Variants in TTC24 observed in about 807,000 individuals in gnomAD.
The protein encoded by TTC24 is tetratricopeptide repeat domain 24, also known as tetratricopeptide repeat protein 24.
TTC24 carries 54 observed loss-of-function variants against 63.3 expected under a neutral mutation model. The observed-to-expected ratio is 0.85, with a 90% CI of 0.69 to 1.07. The LOEUF (loss-of-function observed/expected upper bound fraction) is 1.07, where lower values mean the gene tolerates loss of function less well. Ranked by LOEUF, TTC24 falls within the 50% of genes least tolerant of loss-of-function variation. The probability of loss-of-function intolerance (pLI) is 0.00; values close to 1 mark genes in which losing one functional copy is unlikely to be tolerated. For missense variants in TTC24, 680 were observed against 730.5 expected (o/e 0.93, Z 0.80); for synonymous variants, 276 against 304.3 (o/e 0.91, Z 0.97).
Position 156,583,693 on chromosome 1 carries a change from A to G in TTC24, c.1153-104A>G. The G allele has an allele frequency of 9.7e-7, 1 of 1,029,308 alleles. No homozygotes were observed. Among genetic ancestry groups the G allele is most frequent in the Non-Finnish European group, 1.5e-6 (1 of 683,360 alleles). 63.8% of individuals were successfully genotyped at this position (1,029,308 alleles called of 1,614,324 possible). ...GATGGGGTAGAAGAGAGGGGAAACA[A>G]AGCCCCCCTCCCCCCTCCCTTTCCT... On this transcript the variant is annotated intron_variant, in intron 5 of 10. Transcript: ENST00000368236. This position sits in a 1 kb window ranked among gnomAD's most constrained non-coding sequence, Gnocchi z 4.0.
intron 3 of TTC24, 128 bp downstream of exon 3, chr1:156,582,562 T>A: frequency 1.2e-6 from 1 of 819,730 alleles, no homozygotes; most frequent in African/African-American, 1.7e-5. Context: ...CCAGAACCAG[T>A]GGGGGAGAGC....
In TTC24 at chr1:156,585,226, C is replaced by T; in HGVS notation, c.1451C>T (p.Pro484Leu). The change falls in exon 8 of 11, where the codon CCA (proline) becomes CTA (leucine). Residue 484 changes from proline to leucine, a missense_variant. Coordinates refer to ENST00000368236, the MANE Select transcript of TTC24 (RefSeq NM_001105669.4). ...CCGGTGAGGGCTGGGCCGGGAAGAC[C>T]AGAGCGTGAGTTGATGTAGAGTATT... ...NVPVRAGPGR[P>L]ELCFLPGTVN... 1 of 1,610,680 alleles carries T rather than the reference C, an allele frequency of 6.2e-7. No individual in the cohort carries two copies. Among genetic ancestry groups the T allele is most frequent in the Non-Finnish European group, 8.5e-7 (1 of 1,178,424 alleles).
intron 9 of TTC24, 34 bp from the exon 10 acceptor site, chr1:156,585,915 C>T (rs1457769258): frequency 6.3e-7 from 1 of 1,595,002 alleles, no homozygotes; most frequent in South Asian, 1.1e-5. Context: ...TGCAGAGAGG[C>T]ACGTGATGAA....
chr1:156,583,951 G>C lies in TTC24; in HGVS notation c.1251+56G>C. ...GGTGGAGAGAGGTTACCCAGAGAAG[G>C]GGTTGGTGGTAAGCAGAGACGCTGT... On this transcript the variant is annotated intron_variant, in intron 6 of 10. Transcript: ENST00000368236. The surrounding 1 kb of genome is among the most constrained non-coding windows in gnomAD (Gnocchi z 4.0). 6.9e-7 allele frequency: 1 copy of C among 1,459,262 alleles called. No homozygotes were observed. Among genetic ancestry groups the C allele is most frequent in the Middle Eastern group, 1.7e-4 (1 of 5,780 alleles). 90.4% of individuals were successfully genotyped at this position (1,459,262 alleles called of 1,614,324 possible). A position where few individuals can be genotyped will look rare whatever the true frequency, so the allele number is the denominator to read the frequency against.
intron 6 of TTC24, among the ~76,000 whole-genome samples, chr1:156,584,130 A>C (rs1677083926): frequency 6.6e-6 from 1 of 152,166 alleles, no homozygotes; most frequent in Non-Finnish European, 1.5e-5. Flanking sequence ...AAAATAAAGA[A>C]ATAAATTTAA....
intron 8 of TTC24, 163 bp downstream of exon 8, chr1:156,585,394 G>T: frequency 1.6e-6 from 1 of 625,714 alleles, no homozygotes; most frequent in Non-Finnish European, 2.8e-6. Context: ...CCCTGACCCT[G>T]GCTGTCCCAG....
chr1:156,580,654 T>A (rs1676965733), intron 1 of TTC24, among the ~76,000 whole-genome samples: 1 of 152,142 alleles, frequency 6.6e-6, no homozygotes, highest in Non-Finnish European at 1.5e-5. Flanking sequence ...ATTTTTGTAT[T>A]TTTAGTAGAG....
In TTC24 at chr1:156,587,267, T is replaced by A. The variant is rs1319803051; in HGVS notation, c.*717T>A. 6.6e-6 allele frequency among the ~76,000 whole-genome samples: 1 copy of A among 152,178 alleles called. No individual in the cohort carries two copies. Among genetic ancestry groups the A allele is most frequent in the African/African-American group, 2.4e-5 (1 of 41,428 alleles). On this transcript the variant is annotated 3_prime_UTR_variant, in exon 11 of 11. Transcript: ENST00000368236. ...GCTTCACAAGTGTATTCTCCTCTAA[T>A]CCTCACAACAAATATATGAGGTGCT...
At chr1:156,581,176 A>T (rs6679425) in intron 1 of TTC24, among the ~76,000 whole-genome samples, 185 bp from the exon 2 acceptor site, 1 of 152,142 alleles carries the variant, frequency 6.6e-6, no homozygotes, top group Non-Finnish European at 1.5e-5. Context: ...TTAGTCAGGA[A>T]GTTAGAGTGA....
intron 8 of TTC24, chr1:156,585,485 A>T: frequency 1.7e-6 from 1 of 601,430 alleles, no homozygotes; most frequent in Non-Finnish European, 2.9e-6. Context: ...CCCTTCTAGA[A>T]CTCCCTCTTC....
Position 156,583,995 on chromosome 1 carries a change from C to G in TTC24, c.1251+100C>G. The stretch of plus-strand genomic sequence containing the variant: ...ACGCTGTTCCCTGGGATGCTGCGCG[C>G]TTGGCCGCTCATCTGTGTTCATCCG... On this transcript the variant is annotated intron_variant, in intron 6 of 10. Transcript: ENST00000368236. This position sits in a 1 kb window ranked among gnomAD's most constrained non-coding sequence, Gnocchi z 4.0. 7.2e-6 allele frequency: 7 copies of G among 975,824 alleles called. No homozygotes were observed. The East Asian group carries it at 1.6e-4, about 22-fold the overall frequency. 60.4% of individuals were successfully genotyped at this position (975,824 alleles called of 1,614,324 possible).
Position 156,585,817 on chromosome 1 carries a change from T to C in TTC24, c.1561T>C (p.Ser521Pro). Reference protein sequence around the residue: ...PCRGTVLGKASIYSPGPRAHL... With the variant: ...PCRGTVLGKAPIYSPGPRAHL... ...CAGAGGGACAGTCCTCGGCAAAGCC[T>C]CCATCTATAGTGAGCAGTGCATCCC... The change falls in exon 9 of 11, where the codon TCC (serine) becomes CCC (proline). Residue 521 changes from serine to proline, a missense_variant. Coordinates refer to ENST00000368236, the MANE Select transcript of TTC24 (RefSeq NM_001105669.4). 1 of 1,613,092 alleles carries C rather than the reference T, an allele frequency of 6.2e-7. No individual in the cohort carries two copies. Among genetic ancestry groups the C allele is most frequent in the Non-Finnish European group, 8.5e-7 (1 of 1,179,064 alleles).
Position 156,583,934 on chromosome 1 carries a change from G to A in TTC24, c.1251+39G>A. The A allele has an allele frequency of 6.6e-7, 1 of 1,520,372 alleles. No homozygotes were observed. The highest frequency in any genetic ancestry group is 8.9e-7 in the Non-Finnish European group (1 of 1,118,176). The allele number at this position is 1,520,372 out of a possible 1,614,324, so 94.2% of individuals were successfully genotyped here. ...TGAGACAAGGAGATGGGGGTGGAGA[G>A]AGGTTACCCAGAGAAGGGGTTGGTG... On this transcript the variant is annotated intron_variant, in intron 6 of 10. Coordinates refer to ENST00000368236, the MANE Select transcript of TTC24 (RefSeq NM_001105669.4). This position sits in a 1 kb window ranked among gnomAD's most constrained non-coding sequence, Gnocchi z 4.0.
chr1:156,586,524 G>C lies in TTC24; in HGVS notation c.1723G>C (p.Glu575Gln). 1 of 1,613,618 alleles carries C rather than the reference G, an allele frequency of 6.2e-7. No individual in the cohort carries two copies. The highest frequency in any genetic ancestry group is 2.2e-5 in the East Asian group (1 of 44,874). The part of the protein sequence containing the change: ...LSRSRQRRPM[E>Q]SGICTIV ...CAGGAGCCGCCAGAGGAGACCCATGGAGTCGGGCATCTGCACTATTGTGTG... is the reference window on the plus strand; with the variant it reads ...CAGGAGCCGCCAGAGGAGACCCATGCAGTCGGGCATCTGCACTATTGTGTG... Residue 575 changes from glutamate to glutamine, a missense_variant, in exon 11 of 11, where the codon GAG becomes CAG. Glu to Gln is a conservative substitution (Grantham distance 29). Coordinates refer to ENST00000368236, the MANE Select transcript of TTC24 (RefSeq NM_001105669.4).
intron 8 of TTC24, 53 bp downstream of exon 8, chr1:156,585,284 C>A: frequency 7.1e-7 from 1 of 1,413,220 alleles, no homozygotes. Context: ...GCAAATATGG[C>A]ACTCCCACCC....
At chr1:156,580,717 C>T (rs1391088383) in intron 1 of TTC24, among the ~76,000 whole-genome samples, 2 of 152,152 alleles carry the variant, frequency 1.3e-5, no homozygotes, top group East Asian at 3.9e-4. Context: ...ACCTCGTGAT[C>T]TGCCCACCTC....
At position 156,581,444 on chromosome 1, in the gene TTC24, G is replaced by C; in HGVS notation, c.80G>C (p.Arg27Thr). ...AGCTCCAATAAGAAAAAGAAGAAAA[G>C]AAAGTGGCTGCGGCAAGAAGCCAGC... ...PSSSNKKKKKRKWLRQEASIQ... is the reference protein window; with the variant it reads ...PSSSNKKKKKTKWLRQEASIQ... The change falls in exon 2 of 11, where the codon AGA becomes ACA. Residue 27 changes from arginine to threonine, a missense_variant. Transcript: ENST00000368236. 6.5e-7 allele frequency: 1 copy of C among 1,549,248 alleles called. No homozygotes were observed. The highest frequency in any genetic ancestry group is 8.7e-7 in the Non-Finnish European group (1 of 1,146,140).
At chr1:156,585,028 G>A in intron 7 of TTC24, 54 bp downstream of exon 7, 2 of 1,543,362 alleles carry the variant, frequency 1.3e-6, no homozygotes, top group Non-Finnish European at 1.8e-6. Flanking sequence ...AGGGTGTTGG[G>A]GGCTGTCGCA....
At position 156,582,429 on chromosome 1, in the gene TTC24, T is replaced by G. The variant is rs766844418; in HGVS notation, c.905T>G (p.Leu302Arg). The change falls in exon 3 of 11, where the codon CTA becomes CGA. Residue 302 changes from leucine (L) to arginine (R), a missense_variant. Physicochemically the swap from Leu to Arg is moderately radical, Grantham distance 102. Coordinates refer to ENST00000368236, the MANE Select transcript of TTC24 (RefSeq NM_001105669.4). ...AREFHQKAAD[L>R]HGSVGQRWEQ... ...GAGTTTCACCAGAAGGCTGCTGACC[T>G]ACACGGTGGGTGCCTGGGGCCGGGG... The G allele has an allele frequency of 2.5e-6, 4 of 1,613,796 alleles. No homozygotes were observed. The East Asian group carries it at 8.9e-5, about 36-fold the overall frequency.
Sources: gnomAD v4.1 joint callset for allele counts (sites outside exome capture counted in the v4.1 genomes callset) on GRCh38, gnomAD v4.1.1 for gene constraint, Gnocchi (gnomAD v3.1) non-coding constraint, MANE v1.5 for transcripts, NCBI Gene and HGNC (gene_info 2026-07-23, HGNC 2026-07-21) for gene names.